Variants in DCP1B observed in about 807,000 individuals in gnomAD.
DCP1B encodes decapping mRNA 1B, also known as mRNA-decapping enzyme 1B.
DCP1B carries 47 observed loss-of-function variants against 60.5 expected under a neutral mutation model. The ratio of observed to expected loss-of-function variants is 0.78; its 90% CI spans 0.61 to 0.99. The LOEUF is 0.99. Ranked by LOEUF, DCP1B falls within the 50% of genes least tolerant of loss-of-function variation. The probability of loss-of-function intolerance (pLI) is 0.00; values close to 1 mark genes in which losing one functional copy is unlikely to be tolerated. For missense variants in DCP1B, 725 were observed against 756.8 expected (o/e 0.96, Z 0.49); for synonymous variants, 267 against 280.3 (o/e 0.95, Z 0.47).
At chr12:1,977,774 G>A (rs1395095636) in intron 3 of DCP1B, among the ~76,000 whole-genome samples, 1 of 152,038 alleles carries the variant, frequency 6.6e-6, no homozygotes, top group Non-Finnish European at 1.5e-5. Context: ...GAGCAATATT[G>A]TTTCCAAATT....
chr12:1,950,840 C>T (rs1235544511), intron 7 of DCP1B, among the ~76,000 whole-genome samples: 1 of 152,090 alleles, frequency 6.6e-6, no homozygotes, highest in Admixed American at 6.5e-5. Flanking sequence ...CTTGTAGAGA[C>T]AGGGTCTATG....
At chr12:2,004,225 CG>C in intron 1 of DCP1B, 56 bp downstream of exon 1, 2 of 1,598,870 alleles carry the variant, frequency 1.3e-6, no homozygotes, top group Non-Finnish European at 1.7e-6. Flanking sequence ...CTGAGTCTGA[CG>C]CCCCCCGCCT....
chr12:1,944,057 CT>C (rs1329364262), downstream of DCP1B, among the ~76,000 whole-genome samples: 1 of 152,150 alleles, frequency 6.6e-6, no homozygotes, highest in Non-Finnish European at 1.5e-5. Context: ...AGCCCAAAAT[CT>C]TAAACTCATA....
intron 3 of DCP1B, among the ~76,000 whole-genome samples, chr12:1,975,496 G>C (rs2034049622): frequency 1.3e-5 from 2 of 152,154 alleles, no homozygotes; most frequent in East Asian, 1.9e-4. Context: ...ATAGATAAAG[G>C]GTAGGGAAAC....
At chr12:1,980,880 G>C (rs1022482532) in intron 3 of DCP1B, among the ~76,000 whole-genome samples, 1 of 152,010 alleles carries the variant, frequency 6.6e-6, no homozygotes, top group Admixed American at 6.5e-5. Context: ...TTAACACAGT[G>C]AATAAACTTC....
chr12:1,995,212 T>C (rs1271137895), intron 2 of DCP1B, among the ~76,000 whole-genome samples: 4 of 148,082 alleles, frequency 2.7e-5, no homozygotes, highest in Non-Finnish European at 6.1e-5. Context: ...TCCTCTTCCA[T>C]AGTTAAAAAA....
Position 1,949,310 on chromosome 12 carries a change from C to T in DCP1B, c.1549G>A (p.Ala517Thr). ...ATAAGCAGAGACGGAGCTGCTGTAG[C>T]AGGGATGCGCTGAGGTGAGATGACC... is the stretch of plus-strand genomic sequence containing the variant. Reference protein sequence around the residue: ...FQVISPQRIPATAAPSLLMSP... With the variant: ...FQVISPQRIPTTAAPSLLMSP... The change falls in exon 8 of 9, where the codon GCT (alanine) becomes ACT (threonine). Residue 517 changes from alanine to threonine, a missense_variant. Transcript: ENST00000280665. The T allele has an allele frequency of 6.2e-7, 1 of 1,614,034 alleles. No homozygotes were observed. Among genetic ancestry groups the T allele is most frequent in the South Asian group, 1.1e-5 (1 of 91,078 alleles).
intron 1 of DCP1B, among the ~76,000 whole-genome samples, chr12:1,999,212 T>A (rs919087705): frequency 1.3e-5 from 2 of 152,226 alleles, no homozygotes; most frequent in East Asian, 3.8e-4. Context: ...GATTCTGATG[T>A]ATGCTAGTTT....
At chr12:1,944,590 A>C (rs1311246232), downstream of DCP1B, among the ~76,000 whole-genome samples, 1 of 152,204 alleles carries the variant, frequency 6.6e-6, no homozygotes, top group East Asian at 1.9e-4. Context: ...ACAGATATAC[A>C]GACCAAGGAA....
At chr12:2,000,468 A>AT (rs1779189658) in intron 1 of DCP1B, among the ~76,000 whole-genome samples, 2 of 147,878 alleles carry the variant, frequency 1.4e-5, no homozygotes, top group Admixed American at 1.4e-4. Context: ...TCTTTTCTTA[A>AT]TTAAAAAAAA....
At chr12:1,993,608 T>C (rs1216130963) in intron 2 of DCP1B, among the ~76,000 whole-genome samples, 2 of 148,948 alleles carry the variant, frequency 1.3e-5, no homozygotes. Context: ...TTGGTAAAAT[T>C]GAGTCATACT....
intron 5 of DCP1B, among the ~76,000 whole-genome samples, chr12:1,958,455 A>C (rs2030983387): frequency 7.0e-6 from 1 of 142,096 alleles, no homozygotes; most frequent in Non-Finnish European, 1.5e-5. Flanking sequence ...AAGCTCCCTA[A>C]CGTCGCTCTG....
Position 1,958,260 on chromosome 12 carries a change from A to G in DCP1B, c.523-2700T>C, listed in dbSNP as rs765013148. ...AAGGAAACAGGGGAAAAGCTCCCCA[A>G]CGTTGCTCTGGGTAATGACTTTTTC... On this transcript the variant is annotated intron_variant, in intron 5 of 8. Coordinates refer to ENST00000280665, the MANE Select transcript of DCP1B (RefSeq NM_152640.5). 9.3e-5 allele frequency among the ~76,000 whole-genome samples: 14 copies of G among 150,074 alleles called. 1 individual carries two copies. Among genetic ancestry groups the G allele is most frequent in the East Asian group, 2.0e-4 (1 of 5,058 alleles).
At chr12:1,944,404 G>A (rs779878037), downstream of DCP1B, among the ~76,000 whole-genome samples, 77 of 152,152 alleles carry the variant, frequency 5.1e-4, no homozygotes, top group Non-Finnish European at 2.1e-4. Context: ...AGCTACCATT[G>A]ACTTTCTTCA....
intron 1 of DCP1B, among the ~76,000 whole-genome samples, chr12:2,000,380 A>C (rs1219563274): frequency 6.6e-6 from 1 of 152,104 alleles, no homozygotes; most frequent in Non-Finnish European, 1.5e-5. Context: ...CTGAATAAGG[A>C]TATCTATATA....
chr12:1,961,557 G>C (rs1208539965), intron 5 of DCP1B, among the ~76,000 whole-genome samples: 1 of 152,182 alleles, frequency 6.6e-6, no homozygotes, highest in Non-Finnish European at 1.5e-5. Context: ...AAATCTGTGA[G>C]GGCATAAAGA....
chr12:1,952,931 G>A lies in DCP1B; in HGVS notation c.1009C>T (p.Pro337Ser), dbSNP rs2030737329. ...CCACGAGAAGTTCCAATGTTGTGAG[G>A]AGACCCTGGCTGGACAGGTCCTGTA... ...FFTGPVQPGS[P>S]HNIGTSRGVQ... Residue 337 changes from proline (P) to serine (S), a missense_variant, in exon 7 of 9, where the codon CCT (proline) becomes TCT (serine). Transcript: ENST00000280665. The A allele has an allele frequency of 1.9e-6, 3 of 1,614,198 alleles. No homozygotes were observed. The highest frequency in any genetic ancestry group is 2.5e-6 in the Non-Finnish European group (3 of 1,180,044).
chr12:1,975,432 T>C (rs1383342979), intron 3 of DCP1B, among the ~76,000 whole-genome samples: 1 of 152,164 alleles, frequency 6.6e-6, no homozygotes, highest in East Asian at 1.9e-4. Flanking sequence ...ATTAGTAATA[T>C]AAAACACAGA....
intron 3 of DCP1B, chr12:1,991,201 G>A (rs775522708): frequency 2.2e-6 from 1 of 456,040 alleles, no homozygotes; most frequent in South Asian, 1.5e-5. Context: ...AGAATCTGTG[G>A]GTTTTTACAC....
Sources: gnomAD v4.1 joint callset for allele counts (sites outside exome capture counted in the v4.1 genomes callset) on GRCh38, gnomAD v4.1.1 for gene constraint, MANE v1.5 for transcripts, NCBI Gene and HGNC (gene_info 2026-07-23, HGNC 2026-07-21) for gene names.